The following AGMO variants were observed in gnomAD, a reference collection of about 807,000 sequenced individuals.
AGMO encodes the protein glyceryl-ether monooxygenase.
In AGMO, 75 loss-of-function variants were observed where a neutral mutation model predicts 60.2. The ratio of observed to expected loss-of-function variants is 1.25; its 90% confidence interval spans 1.03 to 1.51. The LOEUF (loss-of-function observed/expected upper bound fraction) is 1.51, where lower values mean the gene tolerates loss of function less well. Ranked by LOEUF, AGMO falls within the 40% of genes most tolerant of loss-of-function variation. The probability of loss-of-function intolerance (pLI) is 0.00; values close to 1 mark genes in which losing one functional copy is unlikely to be tolerated. For missense variants in AGMO, 763 were observed against 525.5 expected, an observed-to-expected ratio of 1.45 and a Z score of -4.42; for synonymous variants, 261 against 177.1, an observed-to-expected ratio of 1.47 and a Z score of -3.76.
chr7:15,334,817 G>A (rs896439703), intron 12 of AGMO, among the ~76,000 whole-genome samples: 2 of 152,106 alleles, frequency 1.3e-5, no homozygotes, highest in Non-Finnish European at 2.9e-5. Flanking sequence ...TACCCATGGC[G>A]TGTTTTCCAT....
At chr7:15,229,705 T>C (rs1444845174) in intron 12 of AGMO, among the ~76,000 whole-genome samples, 1 of 133,132 alleles carries the variant, frequency 7.5e-6, no homozygotes, top group Non-Finnish European at 1.5e-5. Context: ...TAATTATTTA[T>C]ATATATATTA....
At chr7:15,117,533 G>A in the AGMO span, among the ~76,000 whole-genome samples, 1 of 151,934 alleles carries the variant, frequency 6.6e-6, no homozygotes, top group African/African-American at 2.4e-5. Context: ...TTTGAGGGAA[G>A]GAGGGGAGTG....
chr7:15,360,777 CA>C (rs1348431943), intron 12 of AGMO, among the ~76,000 whole-genome samples: 2 of 151,996 alleles, frequency 1.3e-5, no homozygotes, highest in Non-Finnish European at 1.5e-5. Context: ...CAATTGGATC[CA>C]AAAGCTATAA....
the AGMO span, among the ~76,000 whole-genome samples, chr7:15,156,132 C>G: frequency 6.6e-5 from 10 of 152,132 alleles, no homozygotes; most frequent in Non-Finnish European, 1.3e-4. Context: ...GGCAGGGAGT[C>G]CATGTGTGCA....
intron 3 of AGMO, among the ~76,000 whole-genome samples, chr7:15,462,582 C>T (rs1782170753): frequency 3.3e-5 from 5 of 152,102 alleles, no homozygotes; most frequent in Non-Finnish European, 5.9e-5. Flanking sequence ...ATGCAGGTTG[C>T]AAGACATGTA....
Position 15,334,613 on chromosome 7 carries a change from T to G in AGMO, c.1263+30901A>C, listed in dbSNP as rs181666927. Among the ~76,000 whole-genome samples, 348 of 152,242 alleles carry G rather than the reference T, an allele frequency of 2.3e-3. 5 individuals are homozygous for G. The highest frequency in any genetic ancestry group is 8.1e-3 in the African/African-American group (335 of 41,554). Reference sequence around the variant, plus strand: ...GGCTCACTTTCCACTACAAGGCAGGTGTATTTTTATTAGCTTTCTCTTTCA... The same window carrying G: ...GGCTCACTTTCCACTACAAGGCAGGGGTATTTTTATTAGCTTTCTCTTTCA... On this transcript the variant is annotated intron_variant, in intron 12 of 12. Coordinates refer to ENST00000342526, the MANE Select transcript of AGMO (RefSeq NM_001004320.2).
chr7:15,398,915 A>G (rs1346960066), intron 5 of AGMO, among the ~76,000 whole-genome samples: 1 of 152,188 alleles, frequency 6.6e-6, no homozygotes, highest in Non-Finnish European at 1.5e-5. Flanking sequence ...GAATCTTTCT[A>G]CTTATCCATC....
chr7:15,418,517 T>C, intron 5 of AGMO, 41 bp downstream of exon 5: 1 of 1,249,332 alleles, frequency 8.0e-7, no homozygotes, highest in Non-Finnish European at 1.2e-6. Context: ...TGCTTCAGGC[T>C]GTTTAGGTAT....
chr7:15,456,056 A>C (rs1781991369), intron 3 of AGMO, among the ~76,000 whole-genome samples: 1 of 151,990 alleles, frequency 6.6e-6, no homozygotes, highest in Non-Finnish European at 1.5e-5. Context: ...GACCTCTTGC[A>C]CTAATTCTCT....
chr7:15,229,318 A>G (rs999634806), intron 12 of AGMO, among the ~76,000 whole-genome samples: 2 of 152,012 alleles, frequency 1.3e-5, no homozygotes, highest in Non-Finnish European at 2.9e-5. Context: ...ATTTCTTCAC[A>G]CAGTGTTCAT....
intron 3 of AGMO, among the ~76,000 whole-genome samples, chr7:15,450,308 G>A (rs112993195): frequency 0.19 from 28,414 of 151,018 alleles, 2,958 homozygotes; most frequent in South Asian, 0.26. Context: ...TAGTCCCAGC[G>A]ACTCGGGAGG....
chr7:15,452,316 A>C (rs1371101613), intron 3 of AGMO, among the ~76,000 whole-genome samples: 1 of 152,188 alleles, frequency 6.6e-6, no homozygotes, highest in African/African-American at 2.4e-5. Flanking sequence ...GAATAGAAGA[A>C]AATGTTTACA....
chr7:15,218,186 T>C (rs1781803177), intron 12 of AGMO, among the ~76,000 whole-genome samples: 1 of 152,174 alleles, frequency 6.6e-6, no homozygotes, highest in African/African-American at 2.4e-5. Flanking sequence ...CAAATTTGAG[T>C]GAAAATGTAA....
chr7:15,388,185 T>C (rs953450093), intron 8 of AGMO, among the ~76,000 whole-genome samples: 4 of 152,192 alleles, frequency 2.6e-5, no homozygotes, highest in African/African-American at 9.7e-5. Context: ...TAATTTAAAA[T>C]TGCTTAAAAT....
chr7:15,156,209 T>C, the AGMO span, among the ~76,000 whole-genome samples: 2 of 151,946 alleles, frequency 1.3e-5, no homozygotes, highest in East Asian at 3.9e-4. Flanking sequence ...AGGCTGTTGG[T>C]GAGTATGCAC....
chr7:15,177,758 G>C, the AGMO span, among the ~76,000 whole-genome samples: 1,226 of 151,996 alleles, frequency 8.1e-3, 21 homozygotes, highest in African/African-American at 0.029. Flanking sequence ...TAAACCTCCA[G>C]TTTTATAATT....
intron 12 of AGMO, among the ~76,000 whole-genome samples, chr7:15,256,960 G>T (rs1403590132): frequency 1.3e-5 from 2 of 152,068 alleles, no homozygotes; most frequent in Admixed American, 1.3e-4. Context: ...GGCATTCCAT[G>T]GTGTTCTTCT....
intron 10 of AGMO, among the ~76,000 whole-genome samples, chr7:15,385,096 T>C (rs1783861194): frequency 6.6e-6 from 1 of 152,218 alleles, no homozygotes; most frequent in Non-Finnish European, 1.5e-5. Flanking sequence ...GTAAGTATGT[T>C]GAAACTGATG....
intron 2 of AGMO, among the ~76,000 whole-genome samples, chr7:15,556,473 A>C (rs559306125): frequency 6.6e-6 from 1 of 152,176 alleles, no homozygotes; most frequent in African/African-American, 2.4e-5. Flanking sequence ...TCAACAGAAT[A>C]AATGAACCCA....
Sources: allele counts gnomAD v4.1 joint callset (sites outside exome capture counted in the v4.1 genomes callset), GRCh38; gene constraint gnomAD v4.1.1; transcripts MANE v1.5; gene names NCBI Gene and HGNC (gene_info 2026-07-23, HGNC 2026-07-21).